The following ZNF827 variants were observed in gnomAD, a reference collection of about 807,000 sequenced individuals.
ZNF827 encodes the protein zinc finger protein 827.
ZNF827 carries 13 observed loss-of-function variants against 102.4 expected under a neutral mutation model. The observed-to-expected ratio is 0.13, with a 90% CI of 0.08 to 0.20. ZNF827 has a LOEUF of 0.20. Ranked by LOEUF, ZNF827 falls within the 10% of genes least tolerant of loss-of-function variation. ZNF827 has a pLI of 1.00. For missense variants in ZNF827, 1,103 were observed against 1,344.4 expected (o/e 0.82, Z 2.81); for synonymous variants, 523 against 536.2 (o/e 0.98, Z 0.34).
intron 8 of ZNF827, among the ~76,000 whole-genome samples, chr4:145,803,578 C>T (rs962705691): frequency 9.9e-5 from 15 of 152,198 alleles, no homozygotes; most frequent in African/African-American, 3.6e-4. Flanking sequence ...CTAATATTAT[C>T]ATCTTGAGAA....
intron 5 of ZNF827, among the ~76,000 whole-genome samples, chr4:145,869,572 C>T (rs1048216688): frequency 6.6e-6 from 1 of 152,014 alleles, no homozygotes; most frequent in African/African-American, 2.4e-5. Context: ...TATGTTTTTA[C>T]CTGTTTCAGA....
At chr4:145,932,064 T>C (rs1753847754) in intron 1 of ZNF827, among the ~76,000 whole-genome samples, 1 of 152,180 alleles carries the variant, frequency 6.6e-6, no homozygotes, top group South Asian at 2.1e-4. Flanking sequence ...CCCCTTCCAC[T>C]ATATAAAGAC....
At chr4:145,832,009 T>G (rs1744258733) in intron 7 of ZNF827, 1 of 152,218 alleles carries the variant, frequency 6.6e-6, no homozygotes, top group Admixed American at 6.5e-5. Flanking sequence ...ACTCCTGTAA[T>G]CCCAGCACTT....
chr4:145,926,111 G>A lies in ZNF827; in HGVS notation c.43+12254C>T, dbSNP rs192832907. The stretch of plus-strand genomic sequence containing the variant: ...TGAGCTCCTTGAGAGCAGGGACCAT[G>A]CTCTATTCGGTTCCACAAATTCCCA... On this transcript the variant is annotated intron_variant, in intron 1 of 14. Transcript: ENST00000508784. Among the ~76,000 whole-genome samples, 274 of 152,274 alleles carry A rather than the reference G, an allele frequency of 1.8e-3. 1 individual carries two copies. Among genetic ancestry groups the A allele is most frequent in the African/African-American group, 6.2e-3 (259 of 41,564 alleles).
At chr4:145,848,625 C>T (rs1042281795) in intron 6 of ZNF827, among the ~76,000 whole-genome samples, 1 of 151,980 alleles carries the variant, frequency 6.6e-6, no homozygotes, top group African/African-American at 2.4e-5. Flanking sequence ...CAATCATGTG[C>T]AAAAAAATAG....
At chr4:145,795,319 T>C (rs1041196221) in intron 8 of ZNF827, among the ~76,000 whole-genome samples, 2 of 152,142 alleles carry the variant, frequency 1.3e-5, no homozygotes, top group Admixed American at 1.3e-4. Flanking sequence ...GGCTAATTTT[T>C]GTATTTTTAG....
intron 1 of ZNF827, among the ~76,000 whole-genome samples, chr4:145,905,623 T>C (rs1192580848): frequency 6.6e-6 from 1 of 152,210 alleles, no homozygotes; most frequent in East Asian, 1.9e-4. Flanking sequence ...CAGTGGCTTC[T>C]TGGAGAGATG....
chr4:145,796,066 G>T (rs2127082747), intron 8 of ZNF827, among the ~76,000 whole-genome samples: 1 of 152,300 alleles, frequency 6.6e-6, no homozygotes, highest in Non-Finnish European at 1.5e-5. Context: ...AGGTTTCACT[G>T]TCTACCCTAC....
chr4:145,761,621 G>A lies in ZNF827; in HGVS notation c.*18-23C>T. The A allele has an allele frequency of 2.4e-6, 3 of 1,227,360 alleles. No homozygotes were observed. Among genetic ancestry groups the A allele is most frequent in the Non-Finnish European group, 3.2e-6 (3 of 948,902 alleles). The allele number at this position is 1,227,360 out of a possible 1,614,324, so 76.0% of individuals were successfully genotyped here. ...CACCTGCCGGGGAAAGCAACGCAAG[G>A]GAGGTTCAGCCGGGAAGGTTCGGAG... On this transcript the variant is annotated intron_variant, in intron 14 of 14. Transcript: ENST00000508784. The surrounding 1 kb of genome is among the most constrained non-coding windows in gnomAD (Gnocchi z 6.8).
chr4:145,853,271 T>C (rs1746715464), intron 5 of ZNF827, among the ~76,000 whole-genome samples: 1 of 152,212 alleles, frequency 6.6e-6, no homozygotes, highest in South Asian at 2.1e-4. Flanking sequence ...GTTGAATTAA[T>C]CATTTCTACT....
intron 1 of ZNF827, among the ~76,000 whole-genome samples, chr4:145,927,872 G>C (rs1360389967): frequency 6.6e-6 from 1 of 152,220 alleles, no homozygotes; most frequent in Non-Finnish European, 1.5e-5. Flanking sequence ...AATACAAACA[G>C]AAGGTTTGAG....
intron 5 of ZNF827, among the ~76,000 whole-genome samples, chr4:145,850,447 T>C (rs1746422426): frequency 6.6e-6 from 1 of 152,198 alleles, no homozygotes; most frequent in Non-Finnish European, 1.5e-5. Context: ...CGCAGGAAGT[T>C]AACTGCAGCC....
chr4:145,831,480 A>C (rs1478422985), intron 7 of ZNF827: 1 of 152,228 alleles, frequency 6.6e-6, no homozygotes, highest in Admixed American at 6.5e-5. Context: ...CTGTGGGCAG[A>C]GGGGACTCAA....
chr4:145,783,849 G>C (rs1283533957), intron 8 of ZNF827, among the ~76,000 whole-genome samples: 1 of 152,172 alleles, frequency 6.6e-6, no homozygotes, highest in Non-Finnish European at 1.5e-5. Context: ...GTTTGGTTCT[G>C]TGTCCCTGCT....
intron 4 of ZNF827, among the ~76,000 whole-genome samples, chr4:145,879,788 T>C (rs1029708156): frequency 1.3e-5 from 2 of 152,186 alleles, no homozygotes; most frequent in African/African-American, 4.8e-5. Context: ...CATAACAACA[T>C]CCAGAACATG....
At position 145,762,982 on chromosome 4, in the gene ZNF827, G is replaced by A. The variant is rs1020063573; in HGVS notation, c.*17+108C>T. 9 of 1,107,438 alleles carry A rather than the reference G, an allele frequency of 8.1e-6. No individual in the cohort carries two copies. The highest frequency in any genetic ancestry group is 7.7e-5 in the East Asian group (3 of 38,952). The allele number at this position is 1,107,438 out of a possible 1,614,324, so 68.6% of individuals were successfully genotyped here. On this transcript the variant is annotated intron_variant, in intron 14 of 14. Transcript: ENST00000508784. The surrounding 1 kb of genome is among the most constrained non-coding windows in gnomAD (Gnocchi z 4.9). ...GCACGGCCTCCTCAGCGCCAAGCTC[G>A]CCGTTAGCCTTTGAACCTCAGCTCA...
intron 11 of ZNF827, among the ~76,000 whole-genome samples, chr4:145,769,543 G>C (rs942756075): frequency 3.3e-5 from 5 of 152,178 alleles, no homozygotes; most frequent in African/African-American, 1.2e-4. Flanking sequence ...AATGTATAAA[G>C]ATACAATGTG....
At position 145,761,615 on chromosome 4, in the gene ZNF827, C is replaced by A; in HGVS notation, c.*18-17G>T. On this transcript the variant is annotated splice_polypyrimidine_tract_variant and intron_variant, in intron 14 of 14. Transcript: ENST00000508784. This position sits in a 1 kb window ranked among gnomAD's most constrained non-coding sequence, Gnocchi z 6.8. The stretch of plus-strand genomic sequence containing the variant: ...AATGGGCACCTGCCGGGGAAAGCAA[C>A]GCAAGGGAGGTTCAGCCGGGAAGGT... 1 of 1,234,096 alleles carries A rather than the reference C, an allele frequency of 8.1e-7. No individual in the cohort carries two copies. Among genetic ancestry groups the A allele is most frequent in the South Asian group, 1.4e-5 (1 of 72,608 alleles). 76.4% of individuals were successfully genotyped at this position (1,234,096 alleles called of 1,614,324 possible).
chr4:145,772,268 C>A (rs1736410189), intron 11 of ZNF827, among the ~76,000 whole-genome samples: 1 of 152,164 alleles, frequency 6.6e-6, no homozygotes, highest in Non-Finnish European at 1.5e-5. Context: ...TGAGATACAG[C>A]AGTGACTTAG....
Sources: gnomAD v4.1 joint callset for allele counts (sites outside exome capture counted in the v4.1 genomes callset) on GRCh38, gnomAD v4.1.1 for gene constraint, Gnocchi (gnomAD v3.1) non-coding constraint, MANE v1.5 for transcripts, NCBI Gene and HGNC (gene_info 2026-07-23, HGNC 2026-07-21) for gene names.